Variants in UBR1 observed in about 807,000 individuals in gnomAD.
UBR1 encodes E3 ubiquitin-protein ligase UBR1.
In UBR1, 102 loss-of-function variants were observed where a neutral mutation model predicts 242.1. The ratio of observed to expected loss-of-function variants is 0.42; its 90% confidence interval spans 0.36 to 0.50. UBR1 has a LOEUF of 0.50. UBR1 is among the 20% of genes least tolerant of loss of function. The probability of loss-of-function intolerance (pLI) is 0.01; values close to 1 mark genes in which losing one functional copy is unlikely to be tolerated. For missense variants in UBR1, 1,772 were observed against 2,101.8 expected (o/e 0.84, Z 3.07); for synonymous variants, 675 against 684.8 (o/e 0.99, Z 0.22).
intron 1 of UBR1, among the ~76,000 whole-genome samples, chr15:43,099,203 GGT>G (rs748656726): frequency 2.6e-5 from 4 of 151,992 alleles, no homozygotes; most frequent in Non-Finnish European, 5.9e-5. Context: ...TGGGCATGGT[GGT>G]GTGCACCTGT....
chr15:42,950,765 A>C (rs1463392239), intron 45 of UBR1, among the ~76,000 whole-genome samples: 1 of 152,212 alleles, frequency 6.6e-6, no homozygotes, highest in East Asian at 1.9e-4. Context: ...TGATAACCTC[A>C]AGCCAGACAG....
chr15:43,015,206 G>C (rs2033001961), intron 29 of UBR1, among the ~76,000 whole-genome samples: 1 of 152,374 alleles, frequency 6.6e-6, no homozygotes, highest in South Asian at 2.1e-4. Context: ...AGAAAAGGGG[G>C]AAAGGTGGGG....
Position 42,943,999 on chromosome 15 carries a change from C to G in UBR1, c.*1330G>C, listed in dbSNP as rs1394284958. 2.0e-5 allele frequency: 3 copies of G among 152,214 alleles called. No homozygotes were observed. Among genetic ancestry groups the G allele is most frequent in the Non-Finnish European group, 4.4e-5 (3 of 68,026 alleles). 9.4% of individuals were successfully genotyped at this position (152,214 alleles called of 1,614,324 possible). A position where few individuals can be genotyped will look rare whatever the true frequency, so the allele number is the denominator to read the frequency against. On this transcript the variant is annotated 3_prime_UTR_variant, in exon 47 of 47. Transcript: ENST00000290650. ...CTAATCACTTAGCAAATATATTTTA[C>G]TTGCTTGCCTTTGCTGAGCAAAAAG...
At position 42,952,463 on chromosome 15, in the gene UBR1, A is replaced by G; in HGVS notation, c.4836-15T>C. On this transcript the variant is annotated splice_polypyrimidine_tract_variant and intron_variant, in intron 44 of 46. Transcript: ENST00000290650. Reference sequence around the variant, plus strand: ...ACCGTGGGCACCTCAAAAGAGAAGAAAACATTTAGAGAATGATGGAAAAAC... The same window carrying G: ...ACCGTGGGCACCTCAAAAGAGAAGAGAACATTTAGAGAATGATGGAAAAAC... 1 of 1,614,114 alleles carries G rather than the reference A, an allele frequency of 6.2e-7. No individual in the cohort carries two copies.
At chr15:43,040,355 T>C (rs1235565188) in intron 15 of UBR1, among the ~76,000 whole-genome samples, 2 of 152,144 alleles carry the variant, frequency 1.3e-5, no homozygotes, top group African/African-American at 2.4e-5. Context: ...GGGGAAAGGA[T>C]TCCCTATTTA....
intron 22 of UBR1, 123 bp downstream of exon 22, chr15:43,027,653 T>G (rs2033194952): frequency 1.2e-6 from 1 of 831,762 alleles, no homozygotes; most frequent in Non-Finnish European, 2.0e-6. Context: ...CCCTTTCTAA[T>G]CTGTATTCCA....
At chr15:43,042,917 C>A (rs1374096403) in intron 15 of UBR1, among the ~76,000 whole-genome samples, 1 of 152,076 alleles carries the variant, frequency 6.6e-6, no homozygotes, top group Non-Finnish European at 1.5e-5. Flanking sequence ...AAACCAGCAA[C>A]CAGATTTTAT....
chr15:43,058,869 A>C (rs2033649280), intron 9 of UBR1, among the ~76,000 whole-genome samples: 1 of 152,200 alleles, frequency 6.6e-6, no homozygotes, highest in South Asian at 2.1e-4. Context: ...CTCTCACTAA[A>C]TGAAAAGACT....
intron 17 of UBR1, among the ~76,000 whole-genome samples, chr15:43,037,230 C>T (rs2033348862): frequency 6.6e-6 from 1 of 151,668 alleles, no homozygotes; most frequent in Non-Finnish European, 1.5e-5. Flanking sequence ...TGTCTGTAGT[C>T]CCAGCTACTG....
chr15:42,949,797 T>C lies in UBR1; in HGVS notation c.5108+465A>G, dbSNP rs549541326. Among the ~76,000 whole-genome samples the C allele has an allele frequency of 1.7e-3, 253 of 150,760 alleles. 1 individual carries two copies. The highest frequency in any genetic ancestry group is 3.2e-3 in the Admixed American group (48 of 15,146). On this transcript the variant is annotated intron_variant, in intron 46 of 46. Transcript: ENST00000290650. The stretch of plus-strand genomic sequence containing the variant: ...CTGGGTGAAACAGGGAGACTCTGTC[T>C]CCCAAAATAAATAAATAAATAAATA...
chr15:43,076,462 C>G (rs1314933084), intron 3 of UBR1, among the ~76,000 whole-genome samples: 1 of 150,320 alleles, frequency 6.7e-6, no homozygotes, highest in Non-Finnish European at 1.5e-5. Context: ...AAGCGAGGAG[C>G]GCCTCTTCCC....
At chr15:43,009,513 G>A (rs897080280) in intron 29 of UBR1, among the ~76,000 whole-genome samples, 1 of 152,232 alleles carries the variant, frequency 6.6e-6, no homozygotes, top group Non-Finnish European at 1.5e-5. Context: ...GCCAGGCCAA[G>A]TGGGCAGGAT....
At chr15:43,104,798 G>C (rs757471776) in intron 1 of UBR1, among the ~76,000 whole-genome samples, 4 of 151,694 alleles carry the variant, frequency 2.6e-5, no homozygotes, top group Non-Finnish European at 5.9e-5. Flanking sequence ...TCAGGAGTTC[G>C]AGATCAGCCT....
intron 3 of UBR1, among the ~76,000 whole-genome samples, chr15:43,076,087 G>A (rs1438296405): frequency 2.0e-5 from 3 of 151,462 alleles, no homozygotes; most frequent in African/African-American, 7.3e-5. Context: ...TGATTCTCCT[G>A]CCTCAGCCTG....
chr15:43,005,703 A>C (rs1430203263), intron 30 of UBR1, among the ~76,000 whole-genome samples: 2 of 152,220 alleles, frequency 1.3e-5, no homozygotes, highest in Admixed American at 6.5e-5. Flanking sequence ...GTCTGTGTAG[A>C]AAGAAGTAGA....
At position 42,976,705 on chromosome 15, in the gene UBR1, T is replaced by C. The variant is rs375801185; in HGVS notation, c.4369+12A>G. The C allele has an allele frequency of 3.3e-5, 54 of 1,613,862 alleles. No individual in the cohort carries two copies. The African/African-American group carries it at 6.3e-4, about 19-fold the overall frequency. On this transcript the variant is annotated intron_variant, in intron 39 of 46. Coordinates refer to ENST00000290650, the MANE Select transcript of UBR1 (RefSeq NM_174916.3). ...ATGTTATTCACAGTCAACACCCAGATGAAAACCTTACCTGTGTCTACTGTA... is the reference window on the plus strand; with the variant it reads ...ATGTTATTCACAGTCAACACCCAGACGAAAACCTTACCTGTGTCTACTGTA...
At chr15:42,985,455 C>A (rs150838074) in intron 35 of UBR1, among the ~76,000 whole-genome samples, 3 of 151,992 alleles carry the variant, frequency 2.0e-5, no homozygotes, top group Admixed American at 2.0e-4. Context: ...TGGGCTCAAG[C>A]GATTCTCCTG....
At chr15:43,087,313 G>A (rs983573058) in intron 1 of UBR1, among the ~76,000 whole-genome samples, 4 of 152,084 alleles carry the variant, frequency 2.6e-5, no homozygotes, top group Non-Finnish European at 2.9e-5. Context: ...GTTGAGGCAG[G>A]AGGATGGCGT....
intron 43 of UBR1, among the ~76,000 whole-genome samples, chr15:42,958,487 T>C (rs1434601582): frequency 3.3e-5 from 5 of 152,186 alleles, no homozygotes; most frequent in African/African-American, 4.8e-5. Flanking sequence ...GGATAAAATA[T>C]ACCATACTCC....
Sources: gnomAD v4.1 joint callset for allele counts (sites outside exome capture counted in the v4.1 genomes callset) on GRCh38, gnomAD v4.1.1 for gene constraint, MANE v1.5 for transcripts, NCBI Gene and HGNC (gene_info 2026-07-23, HGNC 2026-07-21) for gene names.